DNAAF8: variants seen among roughly 807,000 people sequenced by gnomAD.
DNAAF8 encodes dynein axonemal assembly factor 8.
In DNAAF8, 61 loss-of-function variants were observed where a neutral mutation model predicts 54.6. That is an observed-to-expected ratio of 1.12 (90% CI 0.91 to 1.38). DNAAF8 has a LOEUF of 1.38. Among genes scored for constraint, DNAAF8 ranks in the 40% most tolerant of loss-of-function variants. DNAAF8 has a pLI of 0.00. For synonymous variants in DNAAF8, 320 were observed against 270.1 expected, an observed-to-expected ratio of 1.18 and a Z score of -1.81; for missense variants, 837 against 665.0, an observed-to-expected ratio of 1.26 and a Z score of -2.85.
At chr16:4,736,374 T>C in intron 1 of DNAAF8, 90 bp from the exon 2 acceptor site, 2 of 987,772 alleles carry the variant, frequency 2.0e-6, no homozygotes, top group South Asian at 3.2e-5. Flanking sequence ...CCTGCCAGCC[T>C]GTTTGGTCTC....
At chr16:4,746,805 C>T (rs146221626) in intron 7 of DNAAF8, 122 bp from the exon 8 acceptor site, 3 of 945,604 alleles carry the variant, frequency 3.2e-6, no homozygotes. Flanking sequence ...CCACCGGCCT[C>T]CAGTGTGGCT....
chr16:4,739,265 G>GTTTTTTTTTTTTCTTTTTTTTTTTTTTTT (rs2081931962), intron 3 of DNAAF8, among the ~76,000 whole-genome samples: 1 of 69,030 alleles, frequency 1.4e-5, no homozygotes, highest in East Asian at 5.6e-4. Flanking sequence ...ATTTTTTCTT[G>GTTTTTTTTTTTTCTTTTTTTTTTTTTTTT]TTTTTTTTTT....
chr16:4,745,822 G>A (rs2082007971), intron 6 of DNAAF8, among the ~76,000 whole-genome samples: 1 of 152,054 alleles, frequency 6.6e-6, no homozygotes, highest in South Asian at 2.1e-4. Context: ...GCATGTTGGT[G>A]CATGCCTGTA....
Position 4,740,350 on chromosome 16 carries a change from C to T in DNAAF8, c.474C>T (p.Thr158=), listed in dbSNP as rs372660230. ...EGDLGSLSFN[T]KGSQGPPWDP... is the part of the protein sequence containing the mutation. ...ACCTTGGAAGCCTGTCTTTCAACAC[C>T]AAAGGATCCCAGGGTCCTCCCTGGG... Residue 158 remains threonine, a synonymous_variant, in exon 4 of 10, where the codon ACC becomes ACT. Coordinates refer to ENST00000299320, the MANE Select transcript of DNAAF8 (RefSeq NM_139170.3). 7 of 1,613,758 alleles carry T rather than the reference C, an allele frequency of 4.3e-6. No homozygotes were observed. In the African/African-American group the frequency reaches 6.7e-5, roughly 15 times the overall value.
At position 4,741,385 on chromosome 16, in the gene DNAAF8, G is replaced by A. The variant is rs553891815; in HGVS notation, c.783+726G>A. 2.0e-5 allele frequency among the ~76,000 whole-genome samples: 3 copies of A among 152,296 alleles called. No homozygotes were observed. The East Asian group carries it at 5.8e-4, about 29-fold the overall frequency. ...ATAGAACCTGGTTCTGTCAAAGCCT[G>A]ATCTCAAAATATGAAAGCCCTCATT... On this transcript the variant is annotated intron_variant, in intron 4 of 9. Transcript: ENST00000299320.
In DNAAF8 at chr16:4,740,359, C is replaced by G; in HGVS notation, c.483C>G (p.Ser161=). Reference sequence around the variant, plus strand: ...GCCTGTCTTTCAACACCAAAGGATCCCAGGGTCCTCCCTGGGACCCACAGG... The same window carrying G: ...GCCTGTCTTTCAACACCAAAGGATCGCAGGGTCCTCCCTGGGACCCACAGG... ...LGSLSFNTKG[S]QGPPWDPQAE... Residue 161 remains serine, a synonymous_variant, in exon 4 of 10, where the codon TCC becomes TCG. Coordinates refer to ENST00000299320, the MANE Select transcript of DNAAF8 (RefSeq NM_139170.3). 3.7e-6 allele frequency: 6 copies of G among 1,613,846 alleles called. No homozygotes were observed. The highest frequency in any genetic ancestry group is 5.1e-6 in the Non-Finnish European group (6 of 1,179,962).
At chr16:4,740,116 T>C in intron 3 of DNAAF8, 37 bp from the exon 4 acceptor site, 1 of 1,531,774 alleles carries the variant, frequency 6.5e-7, no homozygotes. Flanking sequence ...AGCATGTTTT[T>C]GAGGATGCTA....
rs759910688 is a variant in DNAAF8, at chr16:4,744,410, C to T, written c.902-460C>T. Among the ~76,000 whole-genome samples the T allele has an allele frequency of 7.2e-5, 11 of 152,158 alleles. No individual in the cohort carries two copies. In the East Asian group the frequency reaches 7.7e-4, roughly 11 times the overall value. On this transcript the variant is annotated intron_variant, in intron 5 of 9. Coordinates refer to ENST00000299320, the MANE Select transcript of DNAAF8 (RefSeq NM_139170.3). ...ATATTCAGGAGGAGTCCAGCTAGAT[C>T]GTTTTAGCACAGAATACACTGCGGC...
chr16:4,739,928 A>G (rs2081941495), intron 3 of DNAAF8, among the ~76,000 whole-genome samples: 1 of 151,364 alleles, frequency 6.6e-6, no homozygotes. Flanking sequence ...GCCTAGTAGT[A>G]TGTGCCTGTC....
At chr16:4,737,751 G>T in intron 2 of DNAAF8, 49 bp from the exon 3 acceptor site, 1 of 1,604,682 alleles carries the variant, frequency 6.2e-7, no homozygotes, top group Non-Finnish European at 8.5e-7. Flanking sequence ...AGGCCCTCAG[G>T]GCTCTGCCTG....
chr16:4,742,847 C>G (rs1430764215), intron 4 of DNAAF8, among the ~76,000 whole-genome samples, 196 bp from the exon 5 acceptor site: 1 of 152,158 alleles, frequency 6.6e-6, no homozygotes, highest in Non-Finnish European at 1.5e-5. Context: ...AGTGCAGGCC[C>G]ACCTTAACGG....
intron 4 of DNAAF8, 54 bp from the exon 5 acceptor site, chr16:4,742,989 T>G: frequency 5.0e-6 from 7 of 1,395,130 alleles, no homozygotes; most frequent in Non-Finnish European, 7.1e-6. Context: ...AGCAGGTACT[T>G]GTGCCTCTGG....
Position 4,740,153 on chromosome 16 carries a change from C to G in DNAAF8, c.277C>G (p.Pro93Ala), listed in dbSNP as rs763081018. Residue 93 changes from proline (P) to alanine (A), a missense_variant and splice_region_variant, in exon 4 of 10, where the codon CCA (proline) becomes GCA (alanine). Pro to Ala is a conservative substitution (Grantham distance 27, BLOSUM62 -1). Coordinates refer to ENST00000299320, the MANE Select transcript of DNAAF8 (RefSeq NM_139170.3). Reference protein sequence around the residue: ...VAAAEESLPEPVLVPAELATE... With the variant: ...VAAAEESLPEAVLVPAELATE... ...CTGAACATACCTGTTTTCTTGACAG[C>G]CAGTTCTGGTGCCTGCAGAATTGGC... The G allele has an allele frequency of 6.3e-7, 1 of 1,591,702 alleles. No individual in the cohort carries two copies. The highest frequency in any genetic ancestry group is 1.1e-5 in the South Asian group (1 of 88,974).
In DNAAF8 at chr16:4,739,265, GTTTTT is replaced by G. The variant is rs35113323; in HGVS notation, c.277-871_277-867del. ...AAACTCTTCTGGATGATTTTTTCTT[GTTTTT>G]TTTTTTTTTTTTTTTTGTAATGTGG... is the stretch of plus-strand genomic sequence containing the variant. On this transcript the variant is annotated intron_variant, in intron 3 of 9. Transcript: ENST00000299320. 2.2e-4 allele frequency among the ~76,000 whole-genome samples: 15 copies of G among 69,042 alleles called. No homozygotes were observed. In the East Asian group the frequency reaches 4.5e-3, roughly 21 times the overall value. 45.3% of individuals were successfully genotyped at this position (69,042 alleles called of 152,430 possible).
intron 4 of DNAAF8, among the ~76,000 whole-genome samples, chr16:4,741,459 T>C (rs925883022): frequency 6.6e-6 from 1 of 152,138 alleles, no homozygotes; most frequent in Non-Finnish European, 1.5e-5. Context: ...AGTGCATTAA[T>C]GAGGGAACCA....
chr16:4,743,025 T>G lies in DNAAF8; in HGVS notation c.784-18T>G. On this transcript the variant is annotated intron_variant, in intron 4 of 9. Transcript: ENST00000299320. ...GACCCCTCAGCATCCTCATAATCAC[T>G]GGTTTTAATGATTTCAGCAACTTGA... is the stretch of plus-strand genomic sequence containing the variant. The G allele has an allele frequency of 1.3e-6, 2 of 1,572,994 alleles. No homozygotes were observed. Among genetic ancestry groups the G allele is most frequent in the Non-Finnish European group, 1.7e-6 (2 of 1,143,494 alleles).
intron 3 of DNAAF8, 167 bp downstream of exon 3, chr16:4,738,113 C>T (rs188137412): frequency 2.5e-5 from 21 of 838,768 alleles, no homozygotes; most frequent in South Asian, 9.8e-5. Context: ...CTAACCTCCA[C>T]GCACCTCCCT....
chr16:4,741,954 G>A (rs1054697427), intron 4 of DNAAF8, among the ~76,000 whole-genome samples: 1 of 152,188 alleles, frequency 6.6e-6, no homozygotes, highest in African/African-American at 2.4e-5. Context: ...ACAGGTTAGA[G>A]AAAACTGGCA....
intron 3 of DNAAF8, among the ~76,000 whole-genome samples, chr16:4,739,117 A>C (rs2081928617): frequency 6.6e-6 from 1 of 152,086 alleles, no homozygotes; most frequent in Non-Finnish European, 1.5e-5. Context: ...TCCTAGACCT[A>C]GGTTTGAAAT....
Sources: allele counts gnomAD v4.1 joint callset (sites outside exome capture counted in the v4.1 genomes callset), GRCh38; gene constraint gnomAD v4.1.1; transcripts MANE v1.5; gene names NCBI Gene and HGNC (gene_info 2026-07-23, HGNC 2026-07-21).